RAB10: variants seen among roughly 807,000 people sequenced by gnomAD.
RAB10 encodes RAB10, member RAS oncogene family.
RAB10 carries 5 observed loss-of-function variants against 25.7 expected under a neutral mutation model. The observed-to-expected ratio is 0.19, with a 90% CI of 0.10 to 0.41. The LOEUF (loss-of-function observed/expected upper bound fraction) is 0.41. RAB10 is among the 10% of genes least tolerant of loss of function. RAB10 has a pLI of 1.00. For missense variants in RAB10, 103 were observed against 245.8 expected (o/e 0.42, Z 3.89); for synonymous variants, 89 against 86.4 (o/e 1.03, Z -0.16).
intron 5 of RAB10, among the ~76,000 whole-genome samples, chr2:26,132,501 CCTTGGCCT>C (rs1349940901): frequency 6.6e-6 from 1 of 152,224 alleles, no homozygotes; most frequent in East Asian, 1.9e-4. Flanking sequence ...GATCTGCCCA[CCTTGGCCT>C]CCCAAAGTGC....
intron 5 of RAB10, among the ~76,000 whole-genome samples, chr2:26,130,423 T>C (rs1159710353): frequency 1.3e-5 from 2 of 151,978 alleles, no homozygotes; most frequent in Non-Finnish European, 2.9e-5. Flanking sequence ...CCTCCAGTGA[T>C]ACACTAGTAG....
chr2:26,091,505 T>C (rs1329833516), intron 1 of RAB10, among the ~76,000 whole-genome samples: 6 of 152,058 alleles, frequency 3.9e-5, no homozygotes, highest in Non-Finnish European at 8.8e-5. Flanking sequence ...AGTGAGATGA[T>C]GTAGAAAATG....
intron 2 of RAB10, among the ~76,000 whole-genome samples, chr2:26,106,291 CAAAGT>C (rs2149282673): frequency 6.6e-6 from 1 of 152,160 alleles, no homozygotes; most frequent in African/African-American, 2.4e-5. Flanking sequence ...AACAATTTGA[CAAAGT>C]AAAATAAGTG....
In RAB10 at chr2:26,136,280, G is replaced by C. The variant is rs2149292203; in HGVS notation, c.*1259G>C. ...TTTTTAAAAAAGGAAAAGCAGGAAG[G>C]AGGAGTGAATTTTATTAACATGTTT... On this transcript the variant is annotated 3_prime_UTR_variant, in exon 6 of 6. Transcript: ENST00000264710. 1 of 152,740 alleles carries C rather than the reference G, an allele frequency of 6.5e-6. No individual in the cohort carries two copies. The highest frequency in any genetic ancestry group is 2.1e-4 in the South Asian group (1 of 4,820). 9.5% of individuals were successfully genotyped at this position (152,740 alleles called of 1,614,324 possible). A position where few individuals can be genotyped will look rare whatever the true frequency, so the allele number is the denominator to read the frequency against.
intron 1 of RAB10, among the ~76,000 whole-genome samples, chr2:26,042,948 A>G (rs1044732894): frequency 6.6e-5 from 10 of 152,060 alleles, no homozygotes; most frequent in African/African-American, 2.4e-4. Context: ...AACAACAACA[A>G]CAAACGACAA....
At chr2:26,091,896 G>C (rs1437781639) in intron 1 of RAB10, among the ~76,000 whole-genome samples, 1 of 152,166 alleles carries the variant, frequency 6.6e-6, no homozygotes, top group Non-Finnish European at 1.5e-5. Flanking sequence ...TGAGGACCAG[G>C]CATGGTGGCT....
At position 26,068,825 on chromosome 2, in the gene RAB10, A is replaced by G. The variant is rs571427511; in HGVS notation, c.128-29837A>G. Among the ~76,000 whole-genome samples the G allele has an allele frequency of 4.3e-4, 65 of 152,362 alleles. 2 individuals carry two copies. In the South Asian group the frequency reaches 0.013, roughly 30 times the overall value. On this transcript the variant is annotated intron_variant, in intron 1 of 5. Coordinates refer to ENST00000264710, the MANE Select transcript of RAB10 (RefSeq NM_016131.5). ...GGCTTAAAACCAGCTAAGCAAATTTAGTGATGACACATTTTACCTCTTCTG... is the reference window on the plus strand; with the variant it reads ...GGCTTAAAACCAGCTAAGCAAATTTGGTGATGACACATTTTACCTCTTCTG...
intron 1 of RAB10, among the ~76,000 whole-genome samples, chr2:26,043,711 T>A (rs1211072952): frequency 6.6e-6 from 1 of 151,964 alleles, no homozygotes; most frequent in African/African-American, 2.4e-5. Flanking sequence ...ACAAAATTAG[T>A]GGAATAGTGG....
At chr2:26,129,268 C>CAAAA (rs58007291) in intron 5 of RAB10, among the ~76,000 whole-genome samples, 73 of 133,550 alleles carry the variant, frequency 5.5e-4, no homozygotes, top group African/African-American at 1.8e-3. Flanking sequence ...GACTCCATCT[C>CAAAA]AAAAAAAAAA....
At chr2:26,117,474 G>A (rs1190477059) in intron 3 of RAB10, among the ~76,000 whole-genome samples, 1 of 152,010 alleles carries the variant, frequency 6.6e-6, no homozygotes, top group Non-Finnish European at 1.5e-5. Context: ...AATTAGCCGG[G>A]CATGGTGGCG....
intron 1 of RAB10, among the ~76,000 whole-genome samples, chr2:26,051,469 C>G (rs966071892): frequency 6.9e-6 from 1 of 145,094 alleles, no homozygotes; most frequent in African/African-American, 2.5e-5. Context: ...CATTAAAGGC[C>G]AGGCGCAGTG....
At chr2:26,036,606 C>G (rs1192558295) in intron 1 of RAB10, among the ~76,000 whole-genome samples, 2 of 151,412 alleles carry the variant, frequency 1.3e-5, no homozygotes. Flanking sequence ...TTGCAGTGAG[C>G]TGAGATTGTG....
At chr2:26,079,730 A>G (rs947338904) in intron 1 of RAB10, among the ~76,000 whole-genome samples, 4 of 150,160 alleles carry the variant, frequency 2.7e-5, no homozygotes, top group Admixed American at 1.3e-4. Flanking sequence ...CAGTGGTGGG[A>G]TCACAACTCA....
rs1420687290 is a variant in RAB10, at chr2:26,136,352, TAA to T, written c.*1332_*1333del. 6.6e-6 allele frequency: 1 copy of T among 152,660 alleles called. No homozygotes were observed. The highest frequency in any genetic ancestry group is 1.5e-5 in the Non-Finnish European group (1 of 68,034). The allele number at this position is 152,660 out of a possible 1,614,324, so 9.5% of individuals were successfully genotyped here. A position where few individuals can be genotyped will look rare whatever the true frequency, so the allele number is the denominator to read the frequency against. On this transcript the variant is annotated 3_prime_UTR_variant, in exon 6 of 6. Coordinates refer to ENST00000264710, the MANE Select transcript of RAB10 (RefSeq NM_016131.5). ...CCTCTGAAGAACACTTTTTCAGTGT[TAA>T]GTTTCTTTACCTTAAGATTCAGAAA... is the stretch of plus-strand genomic sequence containing the variant.
chr2:26,034,935 GA>G (rs1665731795), intron 1 of RAB10, among the ~76,000 whole-genome samples, 200 bp downstream of exon 1: 1 of 152,100 alleles, frequency 6.6e-6, no homozygotes, highest in Non-Finnish European at 1.5e-5. Context: ...TTTTGCTTTC[GA>G]GTCTCCCACT....
chr2:26,087,203 C>T (rs145760186), intron 1 of RAB10, among the ~76,000 whole-genome samples: 6 of 152,160 alleles, frequency 3.9e-5, no homozygotes, highest in African/African-American at 1.4e-4. Flanking sequence ...AGACATGGTA[C>T]TGAATACTGG....
At chr2:26,071,416 G>A (rs1034992960) in intron 1 of RAB10, among the ~76,000 whole-genome samples, 18 of 152,164 alleles carry the variant, frequency 1.2e-4, no homozygotes, top group African/African-American at 2.2e-4. Flanking sequence ...GGCCAGGCGC[G>A]GTGGCCCACT....
chr2:26,089,401 C>T (rs530582198), intron 1 of RAB10, among the ~76,000 whole-genome samples: 71 of 135,756 alleles, frequency 5.2e-4, no homozygotes, highest in African/African-American at 1.8e-3. Flanking sequence ...CCAGCCTGGG[C>T]GATAGAGTGA....
intron 2 of RAB10, 128 bp from the exon 3 acceptor site, chr2:26,109,640 A>T: frequency 1.1e-6 from 1 of 890,090 alleles, no homozygotes. Flanking sequence ...CAGTATGGGT[A>T]GGTTATTAAT....
Sources: allele counts gnomAD v4.1 joint callset (sites outside exome capture counted in the v4.1 genomes callset), GRCh38; gene constraint gnomAD v4.1.1; transcripts MANE v1.5; gene names NCBI Gene and HGNC (gene_info 2026-07-23, HGNC 2026-07-21).